The following TARS2 variants were observed in gnomAD, a reference collection of about 807,000 sequenced individuals.
TARS2 encodes threonyl-tRNA synthetase 2, mitochondrial.
In TARS2, 61 loss-of-function variants were observed where a neutral mutation model predicts 94.4. The ratio of observed to expected loss-of-function variants is 0.65; its 90% confidence interval spans 0.53 to 0.80. The LOEUF is 0.80. Among genes scored for constraint, TARS2 ranks in the 30% least tolerant of loss-of-function variants. The pLI is 0.00. For synonymous variants in TARS2, 359 were observed against 353.4 expected, an observed-to-expected ratio of 1.02 and a Z score of -0.18; for missense variants, 704 against 902.5, an observed-to-expected ratio of 0.78 and a Z score of 2.82.
Position 150,489,062 on chromosome 1 carries a change from C to T in TARS2, c.362C>T (p.Thr121Ile). 1.2e-6 allele frequency: 2 copies of T among 1,614,176 alleles called. No individual in the cohort carries two copies. Among genetic ancestry groups the T allele is most frequent in the Non-Finnish European group, 1.7e-6 (2 of 1,180,012 alleles). Residue 121 changes from threonine to isoleucine, a missense_variant, in exon 3 of 18, where the codon ACA becomes ATA. By Grantham distance (89) the Thr-to-Ile change is moderately conservative (BLOSUM62 -1). Transcript: ENST00000369064. ...LETDSDLRFL[T>I]FDSPEGKAVF... is the part of the protein sequence containing the mutation. ...ACAGATTCTGACCTCAGATTTCTGA[C>T]ATTCGATTCCCCAGAGGGGAAAGCA...
chr1:150,501,702 CAGCTACT>C (rs1669929685), intron 13 of TARS2, among the ~76,000 whole-genome samples: 1 of 151,756 alleles, frequency 6.6e-6, no homozygotes, highest in Non-Finnish European at 1.5e-5. Context: ...CCTGTAGTCC[CAGCTACT>C]CAAGAGGCTG....
In TARS2 at chr1:150,504,662, C is replaced by T. The variant is rs781643510; in HGVS notation, c.1749C>T (p.Leu583=). The change falls in exon 15 of 18, where the codon CTC becomes CTT. Residue 583 remains leucine, a synonymous_variant. Transcript: ENST00000369064. ...CGGGTGCCCTGGAGCGTCCAGTCCTCATTCACCGAGCAGTGCTCGGTTCTG... is the reference window on the plus strand; with the variant it reads ...CGGGTGCCCTGGAGCGTCCAGTCCTTATTCACCGAGCAGTGCTCGGTTCTG... ...GQAGALERPV[L]IHRAVLGSVE... 6.2e-7 allele frequency: 1 copy of T among 1,614,134 alleles called. No homozygotes were observed. The highest frequency in any genetic ancestry group is 1.7e-5 in the Admixed American group (1 of 60,032).
At chr1:150,490,751 A>G (rs1470106926) in intron 4 of TARS2, 26 bp downstream of exon 4, 2 of 1,612,474 alleles carry the variant, frequency 1.2e-6, no homozygotes, top group South Asian at 1.1e-5. Flanking sequence ...AAGGAGGAGA[A>G]TGATTCTGGG....
Position 150,499,191 on chromosome 1 carries a change from C to T in TARS2, c.1540-25C>T. 3.1e-6 allele frequency: 5 copies of T among 1,613,500 alleles called. No individual in the cohort carries two copies. In the South Asian group the frequency reaches 5.5e-5, roughly 18 times the overall value. Reference sequence around the variant, plus strand: ...CTTTTGAAGTCTAAGATGATGTATTCCACTCTTGTCTCATTCCTTCAAAGG... The same window carrying T: ...CTTTTGAAGTCTAAGATGATGTATTTCACTCTTGTCTCATTCCTTCAAAGG... On this transcript the variant is annotated intron_variant, in intron 12 of 17. Transcript: ENST00000369064.
At chr1:150,488,249 A>G in intron 2 of TARS2, 195 bp downstream of exon 2, 5 of 594,802 alleles carry the variant, frequency 8.4e-6, no homozygotes, top group East Asian at 5.9e-5. Flanking sequence ...TGCCCAGGCT[A>G]GTCTTGAACT....
intron 16 of TARS2, 44 bp downstream of exon 16, chr1:150,505,022 G>A (rs1670139180): frequency 6.2e-7 from 1 of 1,604,064 alleles, no homozygotes; most frequent in Middle Eastern, 1.7e-4. Flanking sequence ...AGGTCCAGTA[G>A]AGAGTCTGGT....
At chr1:150,505,079 G>A (rs2102512206) in intron 16 of TARS2, 101 bp downstream of exon 16, 2 of 1,188,362 alleles carry the variant, frequency 1.7e-6, no homozygotes, top group East Asian at 2.5e-5. Context: ...AGAGGAAGGA[G>A]CACAGCCCTC....
rs1276320393 is a variant in TARS2, at chr1:150,498,567, C to T, written c.1304C>T (p.Ala435Val). 1.2e-6 allele frequency: 2 copies of T among 1,607,806 alleles called. No individual in the cohort carries two copies. Among genetic ancestry groups the T allele is most frequent in the African/African-American group, 1.3e-5 (1 of 74,416 alleles). Residue 435 changes from alanine (A) to valine (V), a missense_variant, in exon 11 of 18, where the codon GCT becomes GTT. By Grantham distance (64) the Ala-to-Val change is moderately conservative (BLOSUM62 0). This residue lies in a region of TARS2 where 466 missense variants were observed against 609.5 expected (regional missense o/e 0.76). Transcript: ENST00000369064. Reference protein sequence around the residue: ...ELPLRLADFGALHRAEASGGL... With the variant: ...ELPLRLADFGVLHRAEASGGL... Reference sequence around the variant, plus strand: ...CCCCTGCGACTAGCTGACTTTGGGGCTCTACACCGGGCCGAAGCCTCTGGT... The same window carrying T: ...CCCCTGCGACTAGCTGACTTTGGGGTTCTACACCGGGCCGAAGCCTCTGGT...
At position 150,487,426 on chromosome 1, in the gene TARS2, G is replaced by C. The variant is rs761932758; in HGVS notation, c.-25G>C. The stretch of plus-strand genomic sequence containing the variant: ...GAGAAGCGGCGATAATCTGTTTGAG[G>C]ATGTAGGCACTGGTGTGAAGGAACA... On this transcript the variant is annotated 5_prime_UTR_variant, in exon 1 of 18. Transcript: ENST00000369064. 6.2e-7 allele frequency: 1 copy of C among 1,614,046 alleles called. No homozygotes were observed. Among genetic ancestry groups the C allele is most frequent in the Non-Finnish European group, 8.5e-7 (1 of 1,180,012 alleles).
chr1:150,505,774 T>A (rs1324414102), intron 17 of TARS2, 69 bp downstream of exon 17: 9 of 1,461,920 alleles, frequency 6.2e-6, no homozygotes, highest in Non-Finnish European at 8.5e-6. Context: ...GTTTACCAAG[T>A]CTGGTAATGC....
chr1:150,491,793 T>C (rs1011203843), intron 6 of TARS2, 131 bp downstream of exon 6: 9 of 395,190 alleles, frequency 2.3e-5, no homozygotes, highest in Non-Finnish European at 3.4e-5. Flanking sequence ...TGGGAATTGA[T>C]TTTTTTTTTT....
chr1:150,506,421 G>A (rs1416592291), intron 17 of TARS2, among the ~76,000 whole-genome samples: 3 of 151,750 alleles, frequency 2.0e-5, no homozygotes, highest in African/African-American at 7.3e-5. Flanking sequence ...AGGCGGGGCA[G>A]TGTGAAGGCC....
intron 2 of TARS2, 97 bp downstream of exon 2, chr1:150,488,151 G>A: frequency 7.2e-7 from 1 of 1,380,880 alleles, no homozygotes; most frequent in Non-Finnish European, 9.8e-7. Flanking sequence ...GCTTGTTTCT[G>A]TTCCGTCCCC....
intron 7 of TARS2, 117 bp downstream of exon 7, chr1:150,492,606 T>C: frequency 1.9e-6 from 2 of 1,067,686 alleles, no homozygotes; most frequent in Admixed American, 1.9e-5. Flanking sequence ...AGTCAGGAGT[T>C]TGAGACCAGC....
chr1:150,501,891 GTTTGT>G (rs984574144), intron 13 of TARS2, among the ~76,000 whole-genome samples: 9 of 151,462 alleles, frequency 5.9e-5, no homozygotes, highest in Admixed American at 2.0e-4. Flanking sequence ...TCTTTTTTTT[GTTTGT>G]TTTGTTTTAT....
intron 7 of TARS2, among the ~76,000 whole-genome samples, chr1:150,495,316 G>A (rs1291357639): frequency 6.6e-6 from 1 of 151,286 alleles, no homozygotes; most frequent in African/African-American, 2.4e-5. Context: ...CTGCACTCCA[G>A]CCTGGGTGAC....
At chr1:150,502,426 G>T (rs587710213) in intron 13 of TARS2, among the ~76,000 whole-genome samples, 108 of 138,966 alleles carry the variant, frequency 7.8e-4, no homozygotes, top group African/African-American at 2.6e-3. Context: ...TTACTCTGTC[G>T]CCAGGCTGGA....
Position 150,494,556 on chromosome 1 carries a change from A to G in TARS2, c.775-1926A>G, listed in dbSNP as rs1366908998. 2.0e-5 allele frequency among the ~76,000 whole-genome samples: 3 copies of G among 152,052 alleles called. No homozygotes were observed. In the East Asian group the frequency reaches 5.8e-4, roughly 29 times the overall value. The stretch of plus-strand genomic sequence containing the variant: ...GGAGTTCAAGACCAGCCTGGCCAAC[A>G]TGGTGAAACCTCGTCACTACTAAAA... On this transcript the variant is annotated intron_variant, in intron 7 of 17. Transcript: ENST00000369064.
intron 4 of TARS2, 40 bp downstream of exon 4, chr1:150,490,765 G>C (rs761270635): frequency 5.6e-6 from 9 of 1,611,352 alleles, no homozygotes; most frequent in Non-Finnish European, 6.8e-6. Context: ...TTCTGGGATG[G>C]TTTCTGAGGC....
Sources: allele counts gnomAD v4.1 joint callset (sites outside exome capture counted in the v4.1 genomes callset), GRCh38; gene constraint gnomAD v4.1.1; regional missense constraint gnomAD v4.1.1; transcripts MANE v1.5; gene names NCBI Gene and HGNC (gene_info 2026-07-23, HGNC 2026-07-21).